OC90: variants seen among roughly 807,000 people sequenced by gnomAD.
OC90 encodes the protein otoconin-90.
In OC90, 46 loss-of-function variants were observed where a neutral mutation model predicts 47.3. The ratio of observed to expected loss-of-function variants is 0.97; its 90% CI spans 0.77 to 1.24. The LOEUF (loss-of-function observed/expected upper bound fraction) is 1.24, where lower values mean the gene tolerates loss of function less well. Ranked by LOEUF, OC90 falls within the 50% of genes most tolerant of loss-of-function variation. The pLI is 0.00. For synonymous variants in OC90, 271 were observed against 219.5 expected (o/e 1.23, Z -2.07); for missense variants, 688 against 583.9 (o/e 1.18, Z -1.84).
rs910111332 is a variant in OC90 at position 132,033,133 on chromosome 8, T to C, written c.765A>G (p.Thr255=). Residue 255 remains threonine, a synonymous_variant, in exon 11 of 14, where the codon ACA becomes ACG. Coordinates refer to ENST00000254627, the MANE Select transcript of OC90 (RefSeq NM_001080399.3). ...GSAEIVATRV[T]AKIVTLVPAG... Reference sequence around the variant, plus strand: ...CAGGGACAAGGGTTACAATTTTAGCTGTAACCCTTGTTGCAACTATCTCTG... The same window carrying C: ...CAGGGACAAGGGTTACAATTTTAGCCGTAACCCTTGTTGCAACTATCTCTG... The C allele has an allele frequency of 1.9e-6, 3 of 1,606,994 alleles. No homozygotes were observed. The highest frequency in any genetic ancestry group is 2.5e-6 in the Non-Finnish European group (3 of 1,176,702).
chr8:132,032,342 T>C (rs1269078593), intron 11 of OC90, among the ~76,000 whole-genome samples: 1 of 152,150 alleles, frequency 6.6e-6, no homozygotes, highest in African/African-American at 2.4e-5. Flanking sequence ...CCCAAGATGC[T>C]GTTTGGGGCC....
In OC90 at chr8:132,024,770, C is replaced by A; in HGVS notation, c.1145G>T (p.Gly382Val). The A allele has an allele frequency of 6.2e-7, 1 of 1,611,308 alleles. No homozygotes were observed. The highest frequency in any genetic ancestry group is 1.1e-5 in the South Asian group (1 of 90,554). Reference sequence around the variant, plus strand: ...GAGCAACTTCTCACACAGGCTTTGGCCCCCACCTTAGAAGGAAAGAGCAGA... The same window carrying A: ...GAGCAACTTCTCACACAGGCTTTGGACCCCACCTTAGAAGGAAAGAGCAGA... The part of the protein sequence containing the change: ...VCVDHTPKCG[G>V]QSLCEKLLCA... The change falls in exon 14 of 14, where the codon GGC (glycine) becomes GTC (valine). Residue 382 changes from glycine (G) to valine (V), a missense_variant. Gly to Val is a moderately radical substitution (Grantham distance 109, BLOSUM62 -3). Coordinates refer to ENST00000254627, the MANE Select transcript of OC90 (RefSeq NM_001080399.3).
chr8:132,053,262 C>G (rs1315895760), intron 2 of OC90, among the ~76,000 whole-genome samples: 1 of 152,164 alleles, frequency 6.6e-6, no homozygotes, highest in Non-Finnish European at 1.5e-5. Flanking sequence ...TTGCAATGAT[C>G]TGTTTATGTA....
chr8:132,038,841 A>C lies in OC90; in HGVS notation c.587-10T>G. On this transcript the variant is annotated splice_polypyrimidine_tract_variant and intron_variant, in intron 7 of 13. Coordinates refer to ENST00000254627, the MANE Select transcript of OC90 (RefSeq NM_001080399.3). Reference sequence around the variant, plus strand: ...TCCTTGATGGTTGTCTCTGAAAAGAAAACACTTTGGAAAGTCTGTTGAGAG... The same window carrying C: ...TCCTTGATGGTTGTCTCTGAAAAGACAACACTTTGGAAAGTCTGTTGAGAG... 1 of 1,613,850 alleles carries C rather than the reference A, an allele frequency of 6.2e-7. No homozygotes were observed. The highest frequency in any genetic ancestry group is 8.5e-7 in the Non-Finnish European group (1 of 1,179,812).
At position 132,029,164 on chromosome 8, in the gene OC90, A is replaced by T. The variant is rs766064111; in HGVS notation, c.1047T>A (p.His349Gln). Reference sequence around the variant, plus strand: ...TTCTCACTTGCTCTAGGCAGCAGTGATGGGACAAGCAGCACCTAAGACCAA... The same window carrying T: ...TTCTCACTTGCTCTAGGCAGCAGTGTTGGGACAAGCAGCACCTAAGACCAA... The part of the protein sequence containing the change: ...RDDLDRCCLS[H>Q]HCCLEQVRRL... The change falls in exon 13 of 14, where the codon CAT becomes CAA. Residue 349 changes from histidine (H) to glutamine (Q), a missense_variant. By Grantham distance (24) the His-to-Gln change is conservative. Coordinates refer to ENST00000254627, the MANE Select transcript of OC90 (RefSeq NM_001080399.3). The T allele has an allele frequency of 3.7e-5, 60 of 1,613,800 alleles. No homozygotes were observed. The highest frequency in any genetic ancestry group is 4.8e-5 in the Non-Finnish European group (57 of 1,179,722).
intron 13 of OC90, among the ~76,000 whole-genome samples, chr8:132,027,051 G>A (rs1180584783): frequency 6.6e-6 from 1 of 152,044 alleles, no homozygotes; most frequent in African/African-American, 2.4e-5. Flanking sequence ...GGCCATCTGG[G>A]AATGTGGTAA....
At position 132,048,907 on chromosome 8, in the gene OC90, C is replaced by A. The variant is rs990514432; in HGVS notation, c.47-3024G>T. The stretch of plus-strand genomic sequence containing the variant: ...CCCATCTCACCAAAGGGCCTGCCTG[C>A]AGGGGGCCTGAGGCTGAGGCACCCA... On this transcript the variant is annotated intron_variant, in intron 2 of 13. Coordinates refer to ENST00000254627, the MANE Select transcript of OC90 (RefSeq NM_001080399.3). Among the ~76,000 whole-genome samples, 2 of 151,524 alleles carry A rather than the reference C, an allele frequency of 1.3e-5. 1 individual carries two copies. The highest frequency in any genetic ancestry group is 4.9e-5 in the African/African-American group (2 of 40,798).
intron 6 of OC90, among the ~76,000 whole-genome samples, chr8:132,040,037 G>T (rs1823030056): frequency 6.6e-6 from 1 of 152,234 alleles, no homozygotes; most frequent in African/African-American, 2.4e-5. Context: ...CAGCACAGAA[G>T]ATTGTCTTGC....
At chr8:132,051,013 T>C (rs185538571) in intron 2 of OC90, among the ~76,000 whole-genome samples, 8 of 152,226 alleles carry the variant, frequency 5.3e-5, no homozygotes, top group Admixed American at 4.6e-4. Flanking sequence ...ATAATAATGA[T>C]AATATAACTG....
At chr8:132,029,789 G>A (rs899062494) in intron 12 of OC90, among the ~76,000 whole-genome samples, 1 of 152,116 alleles carries the variant, frequency 6.6e-6, no homozygotes, top group Non-Finnish European at 1.5e-5. Context: ...TGGCTGATAC[G>A]GCCTCACAAT....
chr8:132,036,746 G>T (rs1822970646), intron 9 of OC90, among the ~76,000 whole-genome samples: 1 of 152,238 alleles, frequency 6.6e-6, no homozygotes, highest in African/African-American at 2.4e-5. Flanking sequence ...TCGCAGCTTT[G>T]CCACTCAGGT....
intron 6 of OC90, among the ~76,000 whole-genome samples, chr8:132,040,625 G>C (rs1234385473): frequency 1.3e-5 from 2 of 152,122 alleles, no homozygotes; most frequent in Non-Finnish European, 2.9e-5. Flanking sequence ...GTCGCTCCCT[G>C]TGCTAACCAT....
At position 132,041,084 on chromosome 8, in the gene OC90, A is replaced by C; in HGVS notation, c.417T>G (p.Leu139=). 1.2e-6 allele frequency: 2 copies of C among 1,613,178 alleles called. No individual in the cohort carries two copies. The highest frequency in any genetic ancestry group is 1.7e-6 in the Non-Finnish European group (2 of 1,179,140). Residue 139 remains leucine, a synonymous_variant, in exon 6 of 14, where the codon CTT becomes CTG. Transcript: ENST00000254627. ...EMDCLQDPAK[L]STEVNCVSKK... ...TGCTGACACAATTGACCTCTGTGCT[A>C]AGTTTGGCGGGGTCTTGGAGACAGT...
chr8:132,043,497 C>T (rs942557481), intron 4 of OC90, among the ~76,000 whole-genome samples: 3 of 152,258 alleles, frequency 2.0e-5, no homozygotes, highest in Admixed American at 2.0e-4. Context: ...ATCTCGCATT[C>T]TCCTCCCCAT....
intron 13 of OC90, among the ~76,000 whole-genome samples, chr8:132,028,871 G>A (rs114344760): frequency 0.013 from 1,889 of 140,552 alleles, 42 homozygotes; most frequent in African/African-American, 0.045. Context: ...GGAAGGAAGG[G>A]AAGGAAGGAA....
intron 10 of OC90, among the ~76,000 whole-genome samples, chr8:132,034,192 C>G (rs758832061): frequency 1.3e-5 from 2 of 152,200 alleles, no homozygotes; most frequent in East Asian, 3.8e-4. Flanking sequence ...TTAAAGAAAT[C>G]TGAGTTTGAG....
At chr8:132,040,440 T>A (rs1253257893) in intron 6 of OC90, among the ~76,000 whole-genome samples, 2 of 152,208 alleles carry the variant, frequency 1.3e-5, no homozygotes, top group Non-Finnish European at 2.9e-5. Context: ...GTATTCTACC[T>A]CTGCCAGGGT....
rs185211838 is a variant in OC90 at position 132,036,438 on chromosome 8, G to A, written c.679+1000C>T. On this transcript the variant is annotated intron_variant, in intron 9 of 13. Transcript: ENST00000254627. ...CAGCCACTGTGAACAGAAATCACCC[G>A]ATTTTAATGATCAGTTCAGCTAGGT... The A allele has an allele frequency of 2.0e-3, 1,536 of 780,372 alleles. 8 individuals carry two copies. Among genetic ancestry groups the A allele is most frequent in the Middle Eastern group, 3.2e-3 (14 of 4,440 alleles). 48.3% of individuals were successfully genotyped at this position (780,372 alleles called of 1,614,324 possible).
chr8:132,027,599 T>A (rs1455601922), intron 13 of OC90, among the ~76,000 whole-genome samples: 1 of 152,180 alleles, frequency 6.6e-6, no homozygotes, highest in African/African-American at 2.4e-5. Flanking sequence ...CCGATATGAA[T>A]GAGGAAATGG....
Sources: allele counts gnomAD v4.1 joint callset (sites outside exome capture counted in the v4.1 genomes callset), GRCh38; gene constraint gnomAD v4.1.1; transcripts MANE v1.5; gene names NCBI Gene and HGNC (gene_info 2026-07-23, HGNC 2026-07-21).